Variants in FER observed in about 807,000 individuals in gnomAD.
FER encodes tyrosine-protein kinase Fer.
A neutral mutation model predicts 111.0 loss-of-function variants in FER; 63 were observed. The observed-to-expected ratio is 0.57, with a 90% CI of 0.46 to 0.70. The LOEUF is 0.70. Among genes scored for constraint, FER ranks in the 30% least tolerant of loss-of-function variants. The pLI is 0.00. For missense variants in FER, 914 were observed against 954.0 expected (o/e 0.96, Z 0.55); for synonymous variants, 327 against 313.9 (o/e 1.04, Z -0.44).
chr5:109,173,619 A>G (rs1341005048), intron 17 of FER, among the ~76,000 whole-genome samples: 2 of 152,094 alleles, frequency 1.3e-5, no homozygotes, highest in African/African-American at 2.4e-5. Flanking sequence ...GGCCTGCTCA[A>G]CCAGTTTTCT....
chr5:108,827,183 A>G (rs925145380), intron 3 of FER, among the ~76,000 whole-genome samples: 7 of 152,224 alleles, frequency 4.6e-5, no homozygotes, highest in African/African-American at 1.7e-4. Flanking sequence ...ATGTAGTTCA[A>G]TAGACAGGTT....
intron 3 of FER, among the ~76,000 whole-genome samples, chr5:108,831,330 GTGAAAATACTAGA>G (rs1760024559): frequency 6.6e-6 from 1 of 151,902 alleles, no homozygotes; most frequent in South Asian, 2.1e-4. Flanking sequence ...ATAGTTTGAA[GTGAAAATACTAGA>G]TGAAAAAGGC....
At chr5:108,893,751 A>G (rs1748575856) in intron 9 of FER, among the ~76,000 whole-genome samples, 2 of 152,100 alleles carry the variant, frequency 1.3e-5, no homozygotes, top group South Asian at 4.1e-4. Context: ...GAAAGGAAAA[A>G]AAGGCCTTAT....
At chr5:108,919,482 A>G (rs1459013177) in intron 10 of FER, among the ~76,000 whole-genome samples, 2 of 152,186 alleles carry the variant, frequency 1.3e-5, no homozygotes, top group South Asian at 2.1e-4. Context: ...AATTTGATTC[A>G]TTGACATTTG....
chr5:108,861,548 C>T (rs1013656602), intron 5 of FER, among the ~76,000 whole-genome samples: 1 of 152,020 alleles, frequency 6.6e-6, no homozygotes, highest in Non-Finnish European at 1.5e-5. Context: ...TCATGCCCTG[C>T]TCCAATGCCT....
At chr5:109,108,463 G>T (rs149772173) in intron 17 of FER, among the ~76,000 whole-genome samples, 3 of 152,248 alleles carry the variant, frequency 2.0e-5, no homozygotes, top group African/African-American at 4.8e-5. Context: ...AGGGAGAAGA[G>T]AATCTTTTAT....
At chr5:109,086,705 T>A (rs1292947282) in intron 16 of FER, among the ~76,000 whole-genome samples, 1 of 151,666 alleles carries the variant, frequency 6.6e-6, no homozygotes, top group Non-Finnish European at 1.5e-5. Context: ...AAATTCTGAT[T>A]ATACTTCAGT....
Position 108,912,247 on chromosome 5 carries a change from T to G in FER, c.1236+14399T>G, listed in dbSNP as rs547871431. ...AGTTACTTTAGCCTTGTAGTATAAT[T>G]TAAAGTCAGGTAATATGATGCCTCC... is the stretch of plus-strand genomic sequence containing the variant. On this transcript the variant is annotated intron_variant, in intron 10 of 19. Transcript: ENST00000281092. Among the ~76,000 whole-genome samples the G allele has an allele frequency of 2.0e-5, 3 of 152,344 alleles. No homozygotes were observed. The South Asian group carries it at 6.2e-4, about 32-fold the overall frequency.
At chr5:109,074,430 C>T (rs377568654) in intron 16 of FER, among the ~76,000 whole-genome samples, 81 of 152,296 alleles carry the variant, frequency 5.3e-4, no homozygotes, top group African/African-American at 1.9e-3. Context: ...TAATTTCTAA[C>T]ATCTTTAGAA....
At chr5:109,140,263 T>G (rs935892241) in intron 17 of FER, among the ~76,000 whole-genome samples, 1 of 152,186 alleles carries the variant, frequency 6.6e-6, no homozygotes, top group Non-Finnish European at 1.5e-5. Flanking sequence ...ACTAAAATCA[T>G]ATCTAAAATA....
chr5:108,790,664 T>C (rs1302535165), intron 2 of FER, among the ~76,000 whole-genome samples: 1 of 152,210 alleles, frequency 6.6e-6, no homozygotes, highest in African/African-American at 2.4e-5. Flanking sequence ...TTTTGAACTA[T>C]TATTTATAAC....
intron 13 of FER, among the ~76,000 whole-genome samples, chr5:108,987,987 AG>A (rs1762764668): frequency 6.6e-6 from 1 of 152,088 alleles, no homozygotes; most frequent in Non-Finnish European, 1.5e-5. Context: ...AGTATTGCTG[AG>A]GGTGTTAATC....
intron 2 of FER, among the ~76,000 whole-genome samples, chr5:108,794,756 A>G (rs1175727695): frequency 1.3e-5 from 2 of 152,002 alleles, no homozygotes. Flanking sequence ...CTGCTGCCAC[A>G]CATGTGGGAT....
At chr5:108,996,715 T>C (rs761720966) in intron 13 of FER, among the ~76,000 whole-genome samples, 1 of 152,184 alleles carries the variant, frequency 6.6e-6, no homozygotes, top group Non-Finnish European at 1.5e-5. Flanking sequence ...GCATTGTTCT[T>C]TTTTGCTAGG....
intron 16 of FER, among the ~76,000 whole-genome samples, chr5:109,088,875 C>T (rs1355586046): frequency 6.6e-6 from 1 of 152,014 alleles, no homozygotes; most frequent in Non-Finnish European, 1.5e-5. Context: ...AAAGAACAGC[C>T]TCTTATAGAG....
At position 109,023,745 on chromosome 5, in the gene FER, A is replaced by G. The variant is rs145070999; in HGVS notation, c.1657-13677A>G. ...TTGTTTCACTCACCCTATCTAGCCAATGCCTAGCACAGTGCCTGTCACTTG... is the reference window on the plus strand; with the variant it reads ...TTGTTTCACTCACCCTATCTAGCCAGTGCCTAGCACAGTGCCTGTCACTTG... On this transcript the variant is annotated intron_variant, in intron 13 of 19. Coordinates refer to ENST00000281092, the MANE Select transcript of FER (RefSeq NM_005246.4). Among the ~76,000 whole-genome samples, 450 of 152,084 alleles carry G rather than the reference A, an allele frequency of 3.0e-3. 2 individuals are homozygous for G. The highest frequency in any genetic ancestry group is 0.011 in the African/African-American group (436 of 41,480).
chr5:108,988,132 G>T (rs1411293030), intron 13 of FER, among the ~76,000 whole-genome samples: 5 of 152,036 alleles, frequency 3.3e-5, no homozygotes, highest in African/African-American at 1.2e-4. Context: ...TGCATCCCTG[G>T]TATGAAACCC....
At chr5:109,018,728 T>A (rs1270861269) in intron 13 of FER, among the ~76,000 whole-genome samples, 20 of 151,820 alleles carry the variant, frequency 1.3e-4, no homozygotes, top group Admixed American at 1.3e-3. Flanking sequence ...GATATAATAA[T>A]TATTTCCCAC....
chr5:108,949,514 A>C (rs1259006939), intron 11 of FER, among the ~76,000 whole-genome samples: 2 of 152,090 alleles, frequency 1.3e-5, no homozygotes, highest in African/African-American at 4.8e-5. Context: ...TATTACATGT[A>C]ATTTTTCTTA....
Sources: allele counts gnomAD v4.1 joint callset (sites outside exome capture counted in the v4.1 genomes callset), GRCh38; gene constraint gnomAD v4.1.1; transcripts MANE v1.5; gene names NCBI Gene and HGNC (gene_info 2026-07-23, HGNC 2026-07-21).